The following COX7B2 variants were observed in gnomAD, a reference collection of about 807,000 sequenced individuals.
COX7B2 encodes cytochrome c oxidase subunit 7B2, mitochondrial.
For synonymous variants in COX7B2, 37 were observed against 32.1 expected (o/e 1.15, Z -0.51); for missense variants, 109 against 95.9 (o/e 1.14, Z -0.57).
chr4:46,823,466 C>A (rs1368467505), intron 2 of COX7B2, among the ~76,000 whole-genome samples: 2 of 151,326 alleles, frequency 1.3e-5, no homozygotes, highest in Non-Finnish European at 2.9e-5. Flanking sequence ...AGAAAGACAT[C>A]TGAAAAAGCT....
intron 1 of COX7B2, among the ~76,000 whole-genome samples, chr4:46,886,074 A>G (rs1719067506): frequency 6.6e-6 from 1 of 152,210 alleles, no homozygotes; most frequent in South Asian, 2.1e-4. Flanking sequence ...AGGCTAATTA[A>G]TAATATTAAT....
intron 2 of COX7B2, among the ~76,000 whole-genome samples, chr4:46,794,149 T>C (rs544552887): frequency 7.0e-4 from 107 of 152,320 alleles, no homozygotes; most frequent in South Asian, 1.2e-3. Context: ...AACAACTACT[T>C]GAGTTTTCTA....
At chr4:46,830,900 C>G (rs532490916) in intron 2 of COX7B2, among the ~76,000 whole-genome samples, 3 of 152,208 alleles carry the variant, frequency 2.0e-5, no homozygotes, top group Admixed American at 6.5e-5. Flanking sequence ...AGCCTTTGCT[C>G]GCTCTTGGCG....
intron 2 of COX7B2, among the ~76,000 whole-genome samples, chr4:46,808,222 G>A (rs1719102729): frequency 1.3e-5 from 2 of 151,648 alleles, no homozygotes; most frequent in East Asian, 3.9e-4. Context: ...ATAATTTTCA[G>A]TGTAGTGATC....
chr4:46,754,930 T>G (rs1425044644), intron 2 of COX7B2, among the ~76,000 whole-genome samples: 1 of 151,176 alleles, frequency 6.6e-6, no homozygotes, highest in Non-Finnish European at 1.5e-5. Flanking sequence ...GAATTCTCCC[T>G]AACTCATTCT....
chr4:46,762,453 T>A (rs1388494993), intron 2 of COX7B2, among the ~76,000 whole-genome samples: 2 of 137,492 alleles, frequency 1.5e-5, no homozygotes, highest in African/African-American at 5.3e-5. Context: ...ATATATATAC[T>A]ATATATAGTA....
chr4:46,856,698 GA>G (rs1248502317), intron 1 of COX7B2, among the ~76,000 whole-genome samples: 1 of 152,140 alleles, frequency 6.6e-6, no homozygotes, highest in Non-Finnish European at 1.5e-5. Context: ...ATTAATAGTT[GA>G]AAGCCAAAAC....
chr4:46,893,169 A>T (rs1196713804), intron 1 of COX7B2, among the ~76,000 whole-genome samples: 2 of 152,182 alleles, frequency 1.3e-5, no homozygotes, highest in Non-Finnish European at 2.9e-5. Flanking sequence ...AAACCATTAA[A>T]CAGGTTTCTT....
chr4:46,776,664 C>G (rs1306887357), intron 2 of COX7B2, among the ~76,000 whole-genome samples: 1 of 152,076 alleles, frequency 6.6e-6, no homozygotes, highest in African/African-American at 2.4e-5. Flanking sequence ...TTAATAATCC[C>G]TCTTGGCTTT....
intron 1 of COX7B2, among the ~76,000 whole-genome samples, chr4:46,868,840 T>C (rs556117179): frequency 6.6e-6 from 1 of 152,298 alleles, no homozygotes; most frequent in African/African-American, 2.4e-5. Context: ...GAAGAATGTG[T>C]ATTCTGTTGG....
intron 2 of COX7B2, among the ~76,000 whole-genome samples, chr4:46,821,707 C>T (rs563091314): frequency 6.6e-6 from 1 of 152,194 alleles, no homozygotes; most frequent in African/African-American, 2.4e-5. Context: ...GTTAAATAAT[C>T]ATCATTGTCA....
chr4:46,823,061 C>A (rs1226268582), intron 2 of COX7B2, among the ~76,000 whole-genome samples: 3 of 152,036 alleles, frequency 2.0e-5, no homozygotes, highest in Non-Finnish European at 4.4e-5. Context: ...GTGTGAATCC[C>A]CCAAGGGCCT....
chr4:46,770,636 C>T (rs958765715), intron 2 of COX7B2, among the ~76,000 whole-genome samples: 8 of 149,838 alleles, frequency 5.3e-5, no homozygotes, highest in African/African-American at 1.7e-4. Flanking sequence ...TATAGACCAC[C>T]CACTGGAACA....
At chr4:46,827,572 A>T (rs1714782779) in intron 2 of COX7B2, among the ~76,000 whole-genome samples, 1 of 152,176 alleles carries the variant, frequency 6.6e-6, no homozygotes, top group Non-Finnish European at 1.5e-5. Context: ...AACAAATTTT[A>T]AAAGTTGAAA....
At chr4:46,843,802 G>A in intron 2 of COX7B2, among the ~76,000 whole-genome samples, 1 of 151,980 alleles carries the variant, frequency 6.6e-6, no homozygotes, top group East Asian at 1.9e-4. Flanking sequence ...ATGTGATTTA[G>A]AATATTATGT....
intron 2 of COX7B2, among the ~76,000 whole-genome samples, chr4:46,834,312 T>C (rs17598581): frequency 0.16 from 23,686 of 151,930 alleles, 2,548 homozygotes; most frequent in Admixed American, 0.31. Flanking sequence ...ATCTGTGAAA[T>C]TGATGAAAAA....
At chr4:46,859,080 T>A (rs116263074) in intron 1 of COX7B2, among the ~76,000 whole-genome samples, 1,680 of 152,310 alleles carry the variant, frequency 0.011, 28 homozygotes, top group African/African-American at 0.038. Context: ...TGGATGAGTA[T>A]GAGGAAGAAT....
At position 46,906,748 on chromosome 4, in the gene COX7B2, C is replaced by T. The variant is rs566673549; in HGVS notation, c.-105+2412G>A. 3.3e-5 allele frequency among the ~76,000 whole-genome samples: 5 copies of T among 152,308 alleles called. No individual in the cohort carries two copies. In the South Asian group the frequency reaches 6.2e-4, roughly 19 times the overall value. On this transcript the variant is annotated intron_variant, in intron 1 of 2. Coordinates refer to ENST00000355591, the MANE Select transcript of COX7B2 (RefSeq NM_130902.3). ...CTACCATTCAAACACATATTTTCCC[C>T]TCTTCCTCCCTGAGACAAATAGTTC...
At chr4:46,735,655 CCTT>C (rs1186245607) in intron 2 of COX7B2, among the ~76,000 whole-genome samples, 1 of 152,114 alleles carries the variant, frequency 6.6e-6, no homozygotes, top group African/African-American at 2.4e-5. Flanking sequence ...CTTTCCTTCT[CCTT>C]CTTTAACTGT....
Sources: allele counts gnomAD v4.1 joint callset (sites outside exome capture counted in the v4.1 genomes callset), GRCh38; gene constraint gnomAD v4.1.1; transcripts MANE v1.5; gene names NCBI Gene and HGNC (gene_info 2026-07-23, HGNC 2026-07-21).